Variants in RAPGEF6 observed in about 807,000 individuals in gnomAD.
RAPGEF6 encodes the protein PDZ domain containing guanine nucleotide exchange factor (GEF) 2.
In RAPGEF6, 56 loss-of-function variants were observed where a neutral mutation model predicts 171.4. The observed-to-expected ratio is 0.33, with a 90% CI of 0.26 to 0.41. The LOEUF is 0.41. Ranked by LOEUF, RAPGEF6 falls within the 10% of genes least tolerant of loss-of-function variation. The probability of loss-of-function intolerance (pLI) is 1.00; values close to 1 mark genes in which losing one functional copy is unlikely to be tolerated. For synonymous variants in RAPGEF6, 692 were observed against 650.1 expected (o/e 1.06, Z -0.98); for missense variants, 1,674 against 1,921.4 (o/e 0.87, Z 2.41).
chr5:131,427,029 A>G lies in RAPGEF6; in HGVS notation c.*237T>C. 1.9e-6 allele frequency: 1 copy of G among 537,214 alleles called. No homozygotes were observed. The highest frequency in any genetic ancestry group is 3.3e-6 in the Non-Finnish European group (1 of 306,644). 33.3% of individuals were successfully genotyped at this position (537,214 alleles called of 1,614,324 possible). A position where few individuals can be genotyped will look rare whatever the true frequency, so the allele number is the denominator to read the frequency against. On this transcript the variant is annotated 3_prime_UTR_variant, in exon 28 of 28. Transcript: ENST00000509018. Reference sequence around the variant, plus strand: ...TGGTCCCAAGGCAGTTCCGGCGTGCAAAGTGGAGACTGGTATCCAGGCATA... The same window carrying G: ...TGGTCCCAAGGCAGTTCCGGCGTGCGAAGTGGAGACTGGTATCCAGGCATA...
At chr5:131,429,732 C>A (rs1021081737) in intron 26 of RAPGEF6, among the ~76,000 whole-genome samples, 6 of 152,098 alleles carry the variant, frequency 3.9e-5, no homozygotes, top group African/African-American at 1.4e-4. Flanking sequence ...TTTAACTTTG[C>A]TGGTACGGAG....
At chr5:131,438,976 A>T (rs1412484511) in intron 24 of RAPGEF6, among the ~76,000 whole-genome samples, 5 of 152,126 alleles carry the variant, frequency 3.3e-5, no homozygotes, top group African/African-American at 1.2e-4. Context: ...AGGTTGAAGT[A>T]CAGTGGCATG....
At chr5:131,603,461 C>G (rs1168943489) in intron 2 of RAPGEF6, 134 bp from the exon 3 acceptor site, 1 of 599,304 alleles carries the variant, frequency 1.7e-6, no homozygotes, top group Non-Finnish European at 2.9e-6. Flanking sequence ...TGTCACTAAA[C>G]TACAGAGAGT....
At chr5:131,461,413 A>T (rs2149834346) in intron 19 of RAPGEF6, among the ~76,000 whole-genome samples, 1 of 152,342 alleles carries the variant, frequency 6.6e-6, no homozygotes, top group Middle Eastern at 3.4e-3. Context: ...CACATATCCA[A>T]AGATGATATA....
intron 1 of RAPGEF6, among the ~76,000 whole-genome samples, chr5:131,615,229 T>G (rs901795459): frequency 8.5e-5 from 13 of 152,186 alleles, no homozygotes; most frequent in African/African-American, 2.4e-4. Flanking sequence ...GTACCTAGTT[T>G]GAGGGTCACA....
At chr5:131,476,040 A>G (rs1277230000) in intron 16 of RAPGEF6, among the ~76,000 whole-genome samples, 1 of 152,250 alleles carries the variant, frequency 6.6e-6, no homozygotes, top group Non-Finnish European at 1.5e-5. Context: ...AAATACAGAA[A>G]GAAAGCAGAG....
At chr5:131,558,019 T>C (rs1005029141) in intron 5 of RAPGEF6, among the ~76,000 whole-genome samples, 1 of 152,144 alleles carries the variant, frequency 6.6e-6, no homozygotes, top group Non-Finnish European at 1.5e-5. Context: ...GCTCATAAAA[T>C]AAGGCAAAGA....
At chr5:131,604,083 T>C (rs2150015829) in intron 2 of RAPGEF6, among the ~76,000 whole-genome samples, 1 of 152,178 alleles carries the variant, frequency 6.6e-6, no homozygotes, top group East Asian at 1.9e-4. Context: ...AGAAAGTTTA[T>C]GGGTTTTCTC....
intron 6 of RAPGEF6, among the ~76,000 whole-genome samples, chr5:131,524,159 C>G (rs994161211): frequency 5.3e-5 from 8 of 152,018 alleles, no homozygotes; most frequent in African/African-American, 1.9e-4. Flanking sequence ...AAAAATGACT[C>G]CAGATGGAAG....
At chr5:131,561,660 CAAAAAAAA>C (rs35691525) in intron 5 of RAPGEF6, among the ~76,000 whole-genome samples, 2 of 90,906 alleles carry the variant, frequency 2.2e-5, no homozygotes, top group Non-Finnish European at 4.5e-5. Context: ...AACTCTGTCT[CAAAAAAAA>C]AAAAAAAAAA....
intron 16 of RAPGEF6, among the ~76,000 whole-genome samples, chr5:131,476,670 T>G (rs1011257601): frequency 5.9e-5 from 9 of 152,102 alleles, no homozygotes; most frequent in Non-Finnish European, 1.2e-4. Flanking sequence ...CAGCTGGGAT[T>G]ACAGGTGTAC....
At chr5:131,546,893 T>C (rs1051458220) in intron 6 of RAPGEF6, among the ~76,000 whole-genome samples, 1 of 152,202 alleles carries the variant, frequency 6.6e-6, no homozygotes, top group Admixed American at 6.5e-5. Flanking sequence ...AATAGTTATA[T>C]AACTGTGTAA....
intron 2 of RAPGEF6, 50 bp from the exon 3 acceptor site, chr5:131,603,377 T>G (rs1174699217): frequency 1.7e-5 from 21 of 1,244,988 alleles, no homozygotes; most frequent in Non-Finnish European, 2.4e-5. Flanking sequence ...GTTTTTAAAA[T>G]TGTTATAATT....
At chr5:131,514,257 T>C (rs1757930506) in intron 7 of RAPGEF6, among the ~76,000 whole-genome samples, 3 of 152,046 alleles carry the variant, frequency 2.0e-5, no homozygotes, top group Admixed American at 2.0e-4. Context: ...TTAAAATGAA[T>C]TTTTAAAAAT....
At chr5:131,582,383 G>T (rs1763017438) in intron 4 of RAPGEF6, among the ~76,000 whole-genome samples, 1 of 151,940 alleles carries the variant, frequency 6.6e-6, no homozygotes, top group Non-Finnish European at 1.5e-5. Flanking sequence ...AACAATTGAG[G>T]ATGCACAGGC....
At position 131,598,072 on chromosome 5, in the gene RAPGEF6, A is replaced by C. The variant is rs1204101617; in HGVS notation, c.197+5199T>G. On this transcript the variant is annotated intron_variant, in intron 3 of 27. Transcript: ENST00000509018. ...ATAACCTAAAACCAACAGAAAAAAA[A>C]CCTGCTATATTTATTACGTTCAAGA... Among the ~76,000 whole-genome samples the C allele has an allele frequency of 5.9e-5, 9 of 152,298 alleles. No homozygotes were observed. The South Asian group carries it at 1.9e-3, about 32-fold the overall frequency.
intron 1 of RAPGEF6, among the ~76,000 whole-genome samples, chr5:131,627,030 C>T (rs1421859552): frequency 1.3e-5 from 2 of 152,088 alleles, no homozygotes; most frequent in Non-Finnish European, 2.9e-5. Flanking sequence ...AACAATAAAA[C>T]AGACTGAATT....
chr5:131,614,292 A>AG (rs1446319704), intron 1 of RAPGEF6, among the ~76,000 whole-genome samples: 1 of 150,520 alleles, frequency 6.6e-6, no homozygotes, highest in East Asian at 1.9e-4. Context: ...AAAAAAAAAA[A>AG]AAAAAAAAAA....
intron 21 of RAPGEF6, among the ~76,000 whole-genome samples, chr5:131,450,511 A>C (rs972253112): frequency 6.6e-6 from 1 of 152,232 alleles, no homozygotes; most frequent in Admixed American, 6.5e-5. Flanking sequence ...TTTTAAGTGC[A>C]GAAATTTCTG....
Sources: gnomAD v4.1 joint callset for allele counts (sites outside exome capture counted in the v4.1 genomes callset) on GRCh38, gnomAD v4.1.1 for gene constraint, MANE v1.5 for transcripts, NCBI Gene and HGNC (gene_info 2026-07-23, HGNC 2026-07-21) for gene names.